The following SCN1A variants were observed in gnomAD, a reference collection of about 807,000 sequenced individuals.
SCN1A encodes sodium voltage-gated channel alpha subunit 1.
SCN1A carries 13 observed loss-of-function variants against 193.7 expected under a neutral mutation model. That is an observed-to-expected ratio of 0.07 (90% CI 0.04 to 0.11). The LOEUF (loss-of-function observed/expected upper bound fraction) is 0.11, where lower values mean the gene tolerates loss of function less well. Ranked by LOEUF, SCN1A falls within the 10% of genes least tolerant of loss-of-function variation. The probability of loss-of-function intolerance (pLI) is 1.00; values close to 1 mark genes in which losing one functional copy is unlikely to be tolerated. For synonymous variants in SCN1A, 781 were observed against 843.6 expected (o/e 0.93, Z 1.29); for missense variants, 1,432 against 2,451.1 (o/e 0.58, Z 8.78).
intron 28 of SCN1A, chr2:165,993,216 A>T (rs935091735): frequency 0.027 from 2,206 of 82,920 alleles, 42 homozygotes; most frequent in African/African-American, 0.074. Context: ...TGTGTGAGAG[A>T]GAGAGAGAGA....
chr2:165,995,953 A>G lies in SCN1A; in HGVS notation c.4581+60T>C, dbSNP rs1481867352. On this transcript the variant is annotated intron_variant, in intron 27 of 28. Coordinates refer to ENST00000674923, the MANE Select transcript of SCN1A (RefSeq NM_001165963.4). ...AATGTTAGCTACTTTCTTTTTTGTGAGACAAGCATGCAAGTTTTTGTTTTT... is the reference window on the plus strand; with the variant it reads ...AATGTTAGCTACTTTCTTTTTTGTGGGACAAGCATGCAAGTTTTTGTTTTT... 7.9e-6 allele frequency: 9 copies of G among 1,138,820 alleles called. No homozygotes were observed. In the African/African-American group the frequency reaches 1.4e-4, roughly 18 times the overall value. The allele number at this position is 1,138,820 out of a possible 1,614,324, so 70.5% of individuals were successfully genotyped here.
intron 23 of SCN1A, among the ~76,000 whole-genome samples, chr2:166,004,067 C>A (rs565482176): frequency 6.6e-6 from 1 of 151,490 alleles, no homozygotes; most frequent in African/African-American, 2.4e-5. Flanking sequence ...CAGGCAGAAC[C>A]AAATGATGTG....
chr2:166,096,314 G>A (rs150649348), intron 2 of SCN1A, among the ~76,000 whole-genome samples: 3,428 of 152,006 alleles, frequency 0.023, 289 homozygotes, highest in Admixed American at 0.16. Flanking sequence ...ACAGAGTCTC[G>A]CTCTGTCGCC....
chr2:166,134,712 T>C (rs1396405183), intron 1 of SCN1A, among the ~76,000 whole-genome samples: 1 of 152,200 alleles, frequency 6.6e-6, no homozygotes, highest in Non-Finnish European at 1.5e-5. Context: ...AATGCCAAGA[T>C]GTAATCTAAA....
intron 2 of SCN1A, among the ~76,000 whole-genome samples, chr2:166,102,308 A>G (rs1194021489): frequency 6.6e-6 from 1 of 152,044 alleles, no homozygotes; most frequent in Admixed American, 6.5e-5. Context: ...CATCCTGACT[A>G]ACACGGTGAA....
intron 19 of SCN1A, among the ~76,000 whole-genome samples, chr2:166,032,886 A>T (rs1022866156): frequency 6.6e-5 from 10 of 152,154 alleles, no homozygotes; most frequent in African/African-American, 1.9e-4. Context: ...CTAGAGAAAA[A>T]ATTGGTCCAA....
At chr2:166,008,616 C>T (rs1298900549) in intron 23 of SCN1A, among the ~76,000 whole-genome samples, 1 of 150,938 alleles carries the variant, frequency 6.6e-6, no homozygotes, top group Non-Finnish European at 1.5e-5. Flanking sequence ...ATAATGAGGA[C>T]AAAGTTTTCA....
intron 22 of SCN1A, among the ~76,000 whole-genome samples, chr2:166,010,362 C>G (rs777517915): frequency 2.6e-5 from 4 of 151,002 alleles, no homozygotes; most frequent in Non-Finnish European, 5.9e-5. Flanking sequence ...CTTGGTAATA[C>G]CTTGCATTTT....
chr2:166,081,932 GAA>G (rs1249889197), intron 2 of SCN1A, among the ~76,000 whole-genome samples: 1 of 152,054 alleles, frequency 6.6e-6, no homozygotes, highest in African/African-American at 2.4e-5. Flanking sequence ...TTAGTGAACT[GAA>G]TATAAAGTGC....
rs529838286 is a variant in SCN1A, at chr2:166,037,368, T to C, written c.2946+408A>G. ...TTTAGTCCTAGTCTGGATGGTAATT[T>C]TGCACTTTCTCTCTACTTTTTTTAG... On this transcript the variant is annotated intron_variant, in intron 18 of 28. Transcript: ENST00000674923. 7.9e-5 allele frequency among the ~76,000 whole-genome samples: 12 copies of C among 152,298 alleles called. 1 individual carries two copies. In the South Asian group the frequency reaches 2.5e-3, roughly 32 times the overall value.
chr2:165,996,533 C>T (rs1000012552), intron 26 of SCN1A, among the ~76,000 whole-genome samples: 1 of 151,410 alleles, frequency 6.6e-6, no homozygotes, highest in Non-Finnish European at 1.5e-5. Context: ...TACTGCAAGA[C>T]AGTTTGGAGT....
At chr2:166,055,417 G>A (rs1210104123) in intron 6 of SCN1A, among the ~76,000 whole-genome samples, 1 of 151,684 alleles carries the variant, frequency 6.6e-6, no homozygotes, top group African/African-American at 2.4e-5. Flanking sequence ...AAAACCTGTG[G>A]GGCCTCCCAT....
chr2:166,015,803 C>CTATG, intron 19 of SCN1A, 76 bp from the exon 20 acceptor site: 1 of 1,536,778 alleles, frequency 6.5e-7, no homozygotes. Flanking sequence ...AGGATTATTA[C>CTATG]TATGAATTTG....
chr2:166,054,280 T>C (rs970409516), intron 7 of SCN1A, among the ~76,000 whole-genome samples: 2 of 152,028 alleles, frequency 1.3e-5, no homozygotes, highest in African/African-American at 4.8e-5. Context: ...AACTGTTTTG[T>C]GGCTGTAATT....
chr2:166,059,683 CT>C lies in SCN1A; in HGVS notation c.265-996del, dbSNP rs373000732. Among the ~76,000 whole-genome samples, 123 of 152,240 alleles carry C rather than the reference CT, an allele frequency of 8.1e-4. 2 individuals are homozygous for C. The highest frequency in any genetic ancestry group is 2.8e-3 in the African/African-American group (118 of 41,544). On this transcript the variant is annotated intron_variant, in intron 4 of 28. Coordinates refer to ENST00000674923, the MANE Select transcript of SCN1A (RefSeq NM_001165963.4). ...AATTCACCCATTCTTCGAAAGCTTT[CT>C]TTTCTAAGCCTTAGGATGCATATCT... is the stretch of plus-strand genomic sequence containing the variant.
chr2:166,145,805 G>A (rs891258925), intron 1 of SCN1A, among the ~76,000 whole-genome samples: 3 of 152,084 alleles, frequency 2.0e-5, no homozygotes, highest in Admixed American at 6.6e-5. Flanking sequence ...TGCCTTCTAT[G>A]TATGGTGAAT....
chr2:166,011,986 T>A, intron 22 of SCN1A, 123 bp downstream of exon 22: 1 of 819,396 alleles, frequency 1.2e-6, no homozygotes, highest in Non-Finnish European at 2.1e-6. Flanking sequence ...ATTGCATATA[T>A]GCGTTTAGTG....
At chr2:166,035,756 G>A (rs552133340) in intron 19 of SCN1A, among the ~76,000 whole-genome samples, 4 of 152,218 alleles carry the variant, frequency 2.6e-5, no homozygotes, top group East Asian at 3.9e-4. Flanking sequence ...TACACTGTAC[G>A]GTAAATATTG....
chr2:166,140,832 C>T (rs899156515), intron 1 of SCN1A, among the ~76,000 whole-genome samples: 6 of 152,216 alleles, frequency 3.9e-5, no homozygotes, highest in Middle Eastern at 3.4e-3. Context: ...AAGACACGGA[C>T]CGCGCAAAAC....
Sources: allele counts gnomAD v4.1 joint callset (sites outside exome capture counted in the v4.1 genomes callset), GRCh38; gene constraint gnomAD v4.1.1; transcripts MANE v1.5; gene names NCBI Gene and HGNC (gene_info 2026-07-23, HGNC 2026-07-21).